RARB: variants seen among roughly 807,000 people sequenced by gnomAD.
The protein encoded by RARB is retinoic acid receptor beta, also known as HBV-activated protein.
RARB carries 17 observed loss-of-function variants against 51.9 expected under a neutral mutation model. That is an observed-to-expected ratio of 0.33 (90% CI 0.22 to 0.49). The LOEUF is 0.49. Ranked by LOEUF, RARB falls within the 20% of genes least tolerant of loss-of-function variation. The probability of loss-of-function intolerance (pLI) is 0.99; values close to 1 mark genes in which losing one functional copy is unlikely to be tolerated. For missense variants in RARB, 369 were observed against 550.8 expected (o/e 0.67, Z 3.30); for synonymous variants, 215 against 195.4 (o/e 1.10, Z -0.84).
At chr3:25,342,020 C>G (rs1705244525) in intron 5 of RARB, among the ~76,000 whole-genome samples, 1 of 152,148 alleles carries the variant, frequency 6.6e-6, no homozygotes, top group Admixed American at 6.5e-5. Context: ...ATCTTGTTCC[C>G]CATTGTATTG....
At chr3:25,374,758 T>G (rs1157876012) in intron 5 of RARB, among the ~76,000 whole-genome samples, 1 of 152,092 alleles carries the variant, frequency 6.6e-6, no homozygotes, top group Non-Finnish European at 1.5e-5. Flanking sequence ...CTGACATGAG[T>G]GGATTCAACC....
At chr3:25,252,933 C>G (rs1299506880) in intron 5 of RARB, among the ~76,000 whole-genome samples, 12 of 152,188 alleles carry the variant, frequency 7.9e-5, no homozygotes, top group Non-Finnish European at 1.8e-4. Context: ...ATTTGTTGAG[C>G]CCAACTGAGC....
chr3:24,940,969 A>C (rs1356482671), intron 2 of RARB, among the ~76,000 whole-genome samples: 1 of 152,164 alleles, frequency 6.6e-6, no homozygotes, highest in Non-Finnish European at 1.5e-5. Flanking sequence ...TTTCTAAAGA[A>C]CTTTTAAGAA....
intron 5 of RARB, among the ~76,000 whole-genome samples, chr3:25,333,077 A>G (rs925344432): frequency 2.6e-5 from 4 of 152,234 alleles, no homozygotes; most frequent in African/African-American, 9.6e-5. Flanking sequence ...GGAAGAATCA[A>G]TATCATGAAA....
At chr3:25,326,310 G>A (rs1310257860) in intron 5 of RARB, among the ~76,000 whole-genome samples, 1 of 152,216 alleles carries the variant, frequency 6.6e-6, no homozygotes, top group East Asian at 1.9e-4. Flanking sequence ...GGGGTGCAGT[G>A]AGGGCTTGCT....
At chr3:24,922,114 G>C (rs1283572670) in intron 2 of RARB, among the ~76,000 whole-genome samples, 1 of 152,148 alleles carries the variant, frequency 6.6e-6, no homozygotes, top group Non-Finnish European at 1.5e-5. Flanking sequence ...TCTTATATAG[G>C]AAAGTATTTT....
chr3:24,945,701 T>A (rs1404915472), intron 2 of RARB, among the ~76,000 whole-genome samples: 1 of 152,250 alleles, frequency 6.6e-6, no homozygotes, highest in Non-Finnish European at 1.5e-5. Context: ...CTGAAGCATC[T>A]TTATATGCTG....
Position 25,596,592 on chromosome 3 carries a change from C to T in RARB, c.1323C>T (p.Val441=). 1 of 1,609,472 alleles carries T rather than the reference C, an allele frequency of 6.2e-7. No homozygotes were observed. The highest frequency in any genetic ancestry group is 8.5e-7 in the Non-Finnish European group (1 of 1,176,570). ...CCAGCTCAGTGGAAAACAGTGGGGTCAGTCAGTCACCACTCGTGCAATAAG... is the reference window on the plus strand; with the variant it reads ...CCAGCTCAGTGGAAAACAGTGGGGTTAGTCAGTCACCACTCGTGCAATAAG... ...ISPSSVENSG[V]SQSPLVQ is the part of the protein sequence containing the mutation. The change falls in exon 8 of 8, where the codon GTC becomes GTT. Residue 441 remains valine, a synonymous_variant. Coordinates refer to ENST00000330688, the MANE Select transcript of RARB (RefSeq NM_000965.5).
chr3:25,363,563 A>T (rs182107647), intron 5 of RARB, among the ~76,000 whole-genome samples: 1 of 152,104 alleles, frequency 6.6e-6, no homozygotes, highest in Non-Finnish European at 1.5e-5. Flanking sequence ...AGGAAATTCT[A>T]TTGACTCCAC....
chr3:25,506,650 A>T (rs1697616578), intron 3 of RARB, among the ~76,000 whole-genome samples: 1 of 152,264 alleles, frequency 6.6e-6, no homozygotes, highest in African/African-American at 2.4e-5. Context: ...TGTCTTCATT[A>T]CTTAACTCTG....
chr3:25,281,035 A>T (rs1703508590), intron 5 of RARB, among the ~76,000 whole-genome samples: 1 of 152,228 alleles, frequency 6.6e-6, no homozygotes, highest in Non-Finnish European at 1.5e-5. Flanking sequence ...AGCCAGAGCC[A>T]TTGTGCCTAT....
chr3:25,067,783 T>C (rs896570397), intron 3 of RARB, among the ~76,000 whole-genome samples: 4 of 152,196 alleles, frequency 2.6e-5, no homozygotes, highest in African/African-American at 9.7e-5. Flanking sequence ...ATATCTGTTC[T>C]TTTGCAACAT....
intron 2 of RARB, among the ~76,000 whole-genome samples, chr3:25,461,877 A>G (rs887624047): frequency 1.3e-5 from 2 of 152,270 alleles, no homozygotes; most frequent in African/African-American, 2.4e-5. Context: ...CCTGGACAAC[A>G]GCGAGACTTT....
At chr3:24,999,966 AC>A (rs888189916) in intron 2 of RARB, among the ~76,000 whole-genome samples, 1 of 146,892 alleles carries the variant, frequency 6.8e-6, no homozygotes, top group African/African-American at 2.5e-5. Context: ...AAATATTTTG[AC>A]TTCTTCTTGA....
intron 3 of RARB, among the ~76,000 whole-genome samples, chr3:25,516,631 C>CTATTTTTTTTTTTTTTTTTTTT (rs1698175115): frequency 7.6e-6 from 1 of 131,728 alleles, no homozygotes; most frequent in African/African-American, 3.3e-5. Context: ...ATTTCCTTGT[C>CTATTTTTTTTTTTTTTTTTTTT]TTTTTTTTTT....
Position 25,041,724 on chromosome 3 carries a change from C to G in RARB, c.-379-18401C>G, listed in dbSNP as rs148515096. On this transcript the variant is annotated intron_variant, in intron 2 of 11. Coordinates refer to the RARB transcript ENST00000383772. ...TGTGCCTTATACATTTATTTTTCCT[C>G]CCCTAATGCCAACTAGTATAAAATA... Among the ~76,000 whole-genome samples, 225 of 151,950 alleles carry G rather than the reference C, an allele frequency of 1.5e-3. 1 individual carries two copies. The highest frequency in any genetic ancestry group is 3.4e-3 in the Middle Eastern group (1 of 290).
At chr3:24,869,937 G>A (rs984122861) in intron 2 of RARB, among the ~76,000 whole-genome samples, 18 of 151,854 alleles carry the variant, frequency 1.2e-4, no homozygotes, top group East Asian at 5.8e-4. Flanking sequence ...TCATTTTTCC[G>A]TACTTAGTAT....
chr3:25,375,815 C>T (rs1011049384), intron 5 of RARB, among the ~76,000 whole-genome samples: 1 of 152,106 alleles, frequency 6.6e-6, no homozygotes, highest in South Asian at 2.1e-4. Flanking sequence ...CCACAATCAG[C>T]CATACCAATT....
rs144893554 is a variant in RARB at position 25,213,204 on chromosome 3, C to T, written c.178+38629C>T. Among the ~76,000 whole-genome samples, 42 of 152,282 alleles carry T rather than the reference C, an allele frequency of 2.8e-4. 1 individual carries two copies. Among genetic ancestry groups the T allele is most frequent in the Admixed American group, 5.9e-4 (9 of 15,286 alleles). On this transcript the variant is annotated intron_variant, in intron 5 of 11. Transcript: ENST00000383772. Reference sequence around the variant, plus strand: ...GAGAAAATTACCAGCACCTGACGAGCACCTTATTTTCCCACTTTCTTCCCT... The same window carrying T: ...GAGAAAATTACCAGCACCTGACGAGTACCTTATTTTCCCACTTTCTTCCCT...
Sources: allele counts gnomAD v4.1 joint callset (sites outside exome capture counted in the v4.1 genomes callset), GRCh38; gene constraint gnomAD v4.1.1; transcripts MANE v1.5; gene names NCBI Gene and HGNC (gene_info 2026-07-23, HGNC 2026-07-21).